Variants in COL21A1 observed in about 807,000 individuals in gnomAD.
COL21A1 encodes the protein collagen alpha-1(XXI) chain.
COL21A1 carries 149 observed loss-of-function variants against 137.9 expected under a neutral mutation model. The ratio of observed to expected loss-of-function variants is 1.08; its 90% confidence interval spans 0.95 to 1.24. The LOEUF (loss-of-function observed/expected upper bound fraction) is 1.24. Among genes scored for constraint, COL21A1 ranks in the 50% most tolerant of loss-of-function variants. COL21A1 has a pLI of 0.00. For missense variants in COL21A1, 1,167 were observed against 1,158.4 expected (o/e 1.01, Z -0.11); for synonymous variants, 456 against 391.5 (o/e 1.16, Z -1.95).
chr6:56,208,343 C>A (rs970303273), intron 1 of COL21A1, among the ~76,000 whole-genome samples: 2 of 152,164 alleles, frequency 1.3e-5, no homozygotes, highest in African/African-American at 4.8e-5. Flanking sequence ...GATACAAAAT[C>A]TATGTGTAAA....
intron 16 of COL21A1, among the ~76,000 whole-genome samples, chr6:56,114,676 G>C (rs1443571413): frequency 5.3e-5 from 8 of 150,620 alleles, no homozygotes; most frequent in Admixed American, 2.0e-4. Context: ...GGAAACAACA[G>C]GTGCTGGAGA....
intron 1 of COL21A1, among the ~76,000 whole-genome samples, chr6:56,281,852 T>A (rs1763792654): frequency 6.6e-6 from 1 of 152,220 alleles, no homozygotes; most frequent in Non-Finnish European, 1.5e-5. Flanking sequence ...TATAATTAAA[T>A]AACTCATCAC....
At chr6:56,329,178 A>G (rs549467095) in intron 1 of COL21A1, among the ~76,000 whole-genome samples, 1 of 152,280 alleles carries the variant, frequency 6.6e-6, no homozygotes, top group South Asian at 2.1e-4. Flanking sequence ...TAGTATCACT[A>G]TCATTATTAC....
intron 1 of COL21A1, among the ~76,000 whole-genome samples, chr6:56,268,775 T>A (rs1166532813): frequency 6.6e-6 from 1 of 152,176 alleles, no homozygotes; most frequent in Non-Finnish European, 1.5e-5. Context: ...CCAGCAGTCG[T>A]TCTTAATCAG....
chr6:56,191,054 A>G (rs977904375), intron 1 of COL21A1, among the ~76,000 whole-genome samples: 1 of 152,230 alleles, frequency 6.6e-6, no homozygotes, highest in Non-Finnish European at 1.5e-5. Context: ...CAAGACAAGG[A>G]TGCCCTCTCT....
intron 10 of COL21A1, among the ~76,000 whole-genome samples, chr6:56,152,461 C>T (rs911812274): frequency 1.1e-4 from 17 of 152,266 alleles, no homozygotes; most frequent in African/African-American, 3.4e-4. Flanking sequence ...ATTCTTCCTA[C>T]CACAGTTGTG....
chr6:56,369,049 T>A (rs1766164724), intron 1 of COL21A1, among the ~76,000 whole-genome samples: 1 of 152,170 alleles, frequency 6.6e-6, no homozygotes, highest in East Asian at 1.9e-4. Context: ...TCAATGCAAA[T>A]AAATACTAAG....
chr6:56,141,890 A>T (rs745885685), intron 11 of COL21A1, 40 bp downstream of exon 11: 1 of 1,597,846 alleles, frequency 6.3e-7, no homozygotes, highest in South Asian at 1.1e-5. Flanking sequence ...TAGTTCACTA[A>T]AAATAAAATT....
At chr6:56,117,356 T>C (rs752861156) in intron 16 of COL21A1, among the ~76,000 whole-genome samples, 9 of 151,962 alleles carry the variant, frequency 5.9e-5, no homozygotes, top group Non-Finnish European at 1.2e-4. Flanking sequence ...AGGGTCTCTA[T>C]ACAATGATAA....
At chr6:56,193,006 G>A (rs890077399) in intron 1 of COL21A1, among the ~76,000 whole-genome samples, 12 of 152,150 alleles carry the variant, frequency 7.9e-5, no homozygotes, top group Non-Finnish European at 1.3e-4. Flanking sequence ...ATGAGTTCAC[G>A]TCCTTTGCAG....
intron 1 of COL21A1, among the ~76,000 whole-genome samples, chr6:56,244,224 G>C (rs774934632): frequency 3.3e-5 from 5 of 152,134 alleles, no homozygotes; most frequent in Admixed American, 2.0e-4. Context: ...CCTATGACAG[G>C]AGAGTCATGA....
At chr6:56,141,419 A>C (rs1259720966) in intron 12 of COL21A1, among the ~76,000 whole-genome samples, 1 of 152,204 alleles carries the variant, frequency 6.6e-6, no homozygotes, top group African/African-American at 2.4e-5. Context: ...CGTGCCAGAT[A>C]GATACCAATT....
intron 16 of COL21A1, among the ~76,000 whole-genome samples, chr6:56,122,023 A>G (rs1458219442): frequency 6.6e-6 from 1 of 152,170 alleles, no homozygotes; most frequent in Non-Finnish European, 1.5e-5. Flanking sequence ...ACTGACCTCA[A>G]AATGTTGAAC....
At chr6:56,260,507 G>A (rs986509175) in intron 1 of COL21A1, among the ~76,000 whole-genome samples, 1 of 151,220 alleles carries the variant, frequency 6.6e-6, no homozygotes, top group Non-Finnish European at 1.5e-5. Context: ...CCAGGAGGTG[G>A]AGGTTGCAGT....
intron 12 of COL21A1, among the ~76,000 whole-genome samples, chr6:56,133,925 C>T (rs1773775938): frequency 6.6e-6 from 1 of 152,196 alleles, no homozygotes; most frequent in Non-Finnish European, 1.5e-5. Flanking sequence ...CCTGGATGCC[C>T]AGGCAGAAAT....
chr6:56,270,598 C>A (rs1763502556), intron 1 of COL21A1, among the ~76,000 whole-genome samples: 1 of 152,212 alleles, frequency 6.6e-6, no homozygotes, highest in Admixed American at 6.5e-5. Flanking sequence ...ACTCCACCCA[C>A]CAGTCACAGA....
At chr6:56,163,046 T>G (rs1776300620) in intron 9 of COL21A1, among the ~76,000 whole-genome samples, 1 of 152,212 alleles carries the variant, frequency 6.6e-6, no homozygotes, top group Non-Finnish European at 1.5e-5. Context: ...TCTTTCTTTA[T>G]TTTAATGGTT....
At chr6:56,331,137 T>C (rs1231266973) in intron 1 of COL21A1, among the ~76,000 whole-genome samples, 1 of 152,078 alleles carries the variant, frequency 6.6e-6, no homozygotes, top group Non-Finnish European at 1.5e-5. Context: ...CACTTTTTAA[T>C]GGAGTTATTT....
At chr6:56,299,985 A>G (rs150428214) in intron 1 of COL21A1, among the ~76,000 whole-genome samples, 344 of 152,252 alleles carry the variant, frequency 2.3e-3, no homozygotes, top group African/African-American at 7.8e-3. Flanking sequence ...TTTCTAAAAT[A>G]TGAATTGAAG....
Sources: gnomAD v4.1 joint callset for allele counts (sites outside exome capture counted in the v4.1 genomes callset) on GRCh38, gnomAD v4.1.1 for gene constraint, MANE v1.5 for transcripts, NCBI Gene and HGNC (gene_info 2026-07-23, HGNC 2026-07-21) for gene names.